The following CCND3 variants were observed in gnomAD, a reference collection of about 807,000 sequenced individuals.
CCND3 encodes cyclin D3.
Under a neutral mutation model 28.7 loss-of-function variants are expected in CCND3, and 9 were observed. The ratio of observed to expected loss-of-function variants is 0.31; its 90% CI spans 0.19 to 0.55. The LOEUF is 0.55. Among genes scored for constraint, CCND3 ranks in the 20% least tolerant of loss-of-function variants. The pLI is 0.93. For synonymous variants in CCND3, 164 were observed against 163.9 expected (o/e 1.00, Z 0.00); for missense variants, 315 against 385.8 (o/e 0.82, Z 1.54).
At position 42,018,891 on chromosome 6, in the gene CCND3, T is replaced by TAA. The variant is rs10568698; in HGVS notation, c.-46+29608_-46+29609dup. On this transcript the variant is annotated intron_variant, in intron 1 of 4. Transcript: ENST00000372988. ...GGGCAGCAAGAGCGAAACTCCATGT[T>TAA]AAAAAAAAAAAAAAAAAAAGAAGAA... 7.2e-4 allele frequency among the ~76,000 whole-genome samples: 98 copies of TAA among 136,870 alleles called. 1 individual carries two copies. The highest frequency in any genetic ancestry group is 2.4e-3 in the African/African-American group (86 of 36,558). The allele number at this position is 136,870 out of a possible 152,430, so 89.8% of individuals were successfully genotyped here.
intron 1 of CCND3, among the ~76,000 whole-genome samples, chr6:42,000,564 C>CTTTTT (rs774090777): frequency 0.01 from 867 of 85,444 alleles, 102 homozygotes; most frequent in African/African-American, 0.041. Context: ...TGAAACGAAT[C>CTTTTT]TTTTTTTTTT....
At chr6:41,948,577 G>A (rs1001558791) in intron 1 of CCND3, among the ~76,000 whole-genome samples, 1 of 152,040 alleles carries the variant, frequency 6.6e-6, no homozygotes, top group Admixed American at 6.5e-5. Context: ...GGTGGCTCAC[G>A]CCTGTAATCC....
intron 1 of CCND3, 57 bp from the exon 2 acceptor site, chr6:41,940,642 G>A (rs1478202909): frequency 2.5e-6 from 3 of 1,223,034 alleles, no homozygotes; most frequent in African/African-American, 1.5e-5. Flanking sequence ...ACAGCAGCGG[G>A]GGGGTGGGAG....
At chr6:41,941,901 A>G (rs1776046871), upstream of CCND3, 1 of 210,700 alleles carries the variant, frequency 4.7e-6, no homozygotes, top group East Asian at 1.0e-4. The surrounding 1 kb of genome is among the most constrained non-coding windows in gnomAD (Gnocchi z 6.1). Flanking sequence ...CCGGACGGAA[A>G]GGGTTGGCTG....
chr6:41,945,393 T>G (rs567959738), upstream of CCND3, among the ~76,000 whole-genome samples: 4 of 152,306 alleles, frequency 2.6e-5, no homozygotes, highest in African/African-American at 9.6e-5. Context: ...TGGATGCCTG[T>G]AATCCCAGCT....
intron 1 of CCND3, among the ~76,000 whole-genome samples, chr6:41,963,407 A>C (rs1301814010): frequency 2.0e-5 from 3 of 152,252 alleles, no homozygotes; most frequent in Non-Finnish European, 4.4e-5. Context: ...TGGCCAAGTC[A>C]CACTATTTCA....
At chr6:41,955,651 CAAAAAAA>C (rs35334493) in intron 1 of CCND3, among the ~76,000 whole-genome samples, 1 of 113,572 alleles carries the variant, frequency 8.8e-6, no homozygotes, top group African/African-American at 3.6e-5. Flanking sequence ...CCTATCTCTA[CAAAAAAA>C]AAAAAAAAAA....
At chr6:41,968,047 T>C (rs1761937240) in intron 1 of CCND3, among the ~76,000 whole-genome samples, 2 of 152,178 alleles carry the variant, frequency 1.3e-5, no homozygotes, top group South Asian at 2.1e-4. Flanking sequence ...TCATTCCAAC[T>C]AAAGTGGTAG....
intron 1 of CCND3, among the ~76,000 whole-genome samples, chr6:41,970,326 A>G (rs1762003391): frequency 6.6e-6 from 1 of 152,210 alleles, no homozygotes; most frequent in African/African-American, 2.4e-5. Flanking sequence ...TGACAGAGCG[A>G]GACTCCGTCT....
In CCND3 at chr6:42,007,385, T is replaced by C. The variant is rs186321659; in HGVS notation, c.-46+41116A>G. Among the ~76,000 whole-genome samples the C allele has an allele frequency of 6.6e-5, 10 of 152,320 alleles. No individual in the cohort carries two copies. In the East Asian group the frequency reaches 9.6e-4, roughly 15 times the overall value. On this transcript the variant is annotated intron_variant, in intron 1 of 4. Coordinates refer to the CCND3 transcript ENST00000372988. The stretch of plus-strand genomic sequence containing the variant: ...GGGTGGCTAGTAAGGCCAAGTCCAA[T>C]TGAAGTCAGGACAAGGGCTTAGTCA...
At chr6:42,001,830 T>C (rs753805924) in intron 1 of CCND3, among the ~76,000 whole-genome samples, 15 of 152,122 alleles carry the variant, frequency 9.9e-5, no homozygotes, top group Non-Finnish European at 1.9e-4. Flanking sequence ...TCAAAATTCA[T>C]AGGGCCGGGC....
At chr6:42,024,893 T>C (rs1277645289) in intron 1 of CCND3, among the ~76,000 whole-genome samples, 1 of 151,970 alleles carries the variant, frequency 6.6e-6, no homozygotes, top group African/African-American at 2.4e-5. Context: ...ACCCCGTCTC[T>C]CCTAAAAATA....
At chr6:42,044,467 G>T (rs906825157) in intron 1 of CCND3, among the ~76,000 whole-genome samples, 1 of 152,216 alleles carries the variant, frequency 6.6e-6, no homozygotes, top group Non-Finnish European at 1.5e-5. Flanking sequence ...GAAGAGGAAA[G>T]CAGGGGGAAA....
At chr6:41,944,324 AC>A (rs1238930709), upstream of CCND3, among the ~76,000 whole-genome samples, 1 of 152,064 alleles carries the variant, frequency 6.6e-6, no homozygotes, top group African/African-American at 2.4e-5. Flanking sequence ...TTGTTATCAT[AC>A]ATTTTGCAAA....
chr6:41,948,174 T>A (rs1776216315), intron 1 of CCND3, among the ~76,000 whole-genome samples: 2 of 152,042 alleles, frequency 1.3e-5, no homozygotes, highest in African/African-American at 4.8e-5. Context: ...GCCCTGACAC[T>A]TCTTATGCTC....
chr6:42,018,891 T>TA (rs10568698), intron 1 of CCND3, among the ~76,000 whole-genome samples: 131 of 136,868 alleles, frequency 9.6e-4, no homozygotes, highest in African/African-American at 3.5e-3. Flanking sequence ...AACTCCATGT[T>TA]AAAAAAAAAA....
At chr6:41,958,790 T>G (rs886871703) in intron 1 of CCND3, among the ~76,000 whole-genome samples, 4 of 152,166 alleles carry the variant, frequency 2.6e-5, no homozygotes, top group African/African-American at 7.2e-5. Context: ...TGGTGCACCC[T>G]TTCACTCTCA....
At chr6:42,044,708 C>T (rs1764478068) in intron 1 of CCND3, among the ~76,000 whole-genome samples, 1 of 152,116 alleles carries the variant, frequency 6.6e-6, no homozygotes, top group Non-Finnish European at 1.5e-5. Flanking sequence ...TGCAATCTTC[C>T]AGAATTTGAC....
At chr6:42,024,940 C>T (rs1425639743) in intron 1 of CCND3, among the ~76,000 whole-genome samples, 1 of 152,042 alleles carries the variant, frequency 6.6e-6, no homozygotes, top group Non-Finnish European at 1.5e-5. Flanking sequence ...CACCTGTAAT[C>T]CTAGCTACGT....
Sources: allele counts gnomAD v4.1 joint callset (sites outside exome capture counted in the v4.1 genomes callset), GRCh38; gene constraint gnomAD v4.1.1; non-coding constraint Gnocchi (gnomAD v3.1); transcripts MANE v1.5; gene names NCBI Gene and HGNC (gene_info 2026-07-23, HGNC 2026-07-21).